The following BTBD16 variants were observed in gnomAD, a reference collection of about 807,000 sequenced individuals.
BTBD16 encodes BTB domain containing 16.
BTBD16 carries 66 observed loss-of-function variants against 67.4 expected under a neutral mutation model. The observed-to-expected ratio is 0.98, with a 90% CI of 0.80 to 1.20. BTBD16 has a LOEUF of 1.20. Among genes scored for constraint, BTBD16 ranks in the 50% most tolerant of loss-of-function variants. The pLI is 0.00. For missense variants in BTBD16, 634 were observed against 616.0 expected (o/e 1.03, Z -0.31); for synonymous variants, 242 against 236.4 (o/e 1.02, Z -0.22).
intron 10 of BTBD16, among the ~76,000 whole-genome samples, chr10:122,317,123 T>G (rs1429958885): frequency 6.6e-6 from 1 of 152,212 alleles, no homozygotes; most frequent in Non-Finnish European, 1.5e-5. Flanking sequence ...GTACTTAGGC[T>G]ACACTCAAAT....
At chr10:122,300,099 T>C (rs187083654) in intron 9 of BTBD16, among the ~76,000 whole-genome samples, 1 of 152,334 alleles carries the variant, frequency 6.6e-6, no homozygotes, top group East Asian at 1.9e-4. Context: ...TCTAATGTTT[T>C]ACCAATATAA....
intron 14 of BTBD16, among the ~76,000 whole-genome samples, chr10:122,335,797 G>T (rs1432587151): frequency 6.6e-6 from 1 of 152,122 alleles, no homozygotes; most frequent in East Asian, 1.9e-4. Context: ...CTTTTGAGAG[G>T]CCATATCTTA....
rs1439179038 is a variant in BTBD16 at position 122,291,178 on chromosome 10, A to G, written c.574A>G (p.Ser192Gly). ...VLASAHILQF[S>G]GLFQRCVDVM... ...GGCTTCCGCCCACATCCTCCAGTTC[A>G]GTGGCCTGTTTCAAAGGTAAGGAAA... is the stretch of plus-strand genomic sequence containing the variant. The change falls in exon 7 of 16, where the codon AGT becomes GGT. Residue 192 changes from serine (S) to glycine (G), a missense_variant. By Grantham distance (56) the Ser-to-Gly change is moderately conservative. Coordinates refer to ENST00000260723, the MANE Select transcript of BTBD16 (RefSeq NM_144587.5). 1 of 1,612,720 alleles carries G rather than the reference A, an allele frequency of 6.2e-7. No individual in the cohort carries two copies. Among genetic ancestry groups the G allele is most frequent in the Non-Finnish European group, 8.5e-7 (1 of 1,179,430 alleles).
chr10:122,283,913 G>A lies in BTBD16; in HGVS notation c.230G>A (p.Ser77Asn). ...FENFKNKDIQ[S>N]GEADVILECL... ...AATTTCAAGAACAAGGACATCCAAA[G>A]TGGGGAAGCAGGTGAGTTTGTGTTA... The change falls in exon 4 of 16, where the codon AGT (serine) becomes AAT (asparagine). Residue 77 changes from serine to asparagine, a missense_variant. By Grantham distance (46) the Ser-to-Asn change is conservative (BLOSUM62 1). Coordinates refer to ENST00000260723, the MANE Select transcript of BTBD16 (RefSeq NM_144587.5). 2.5e-6 allele frequency: 4 copies of A among 1,613,624 alleles called. No homozygotes were observed. Among genetic ancestry groups the A allele is most frequent in the Non-Finnish European group, 3.4e-6 (4 of 1,179,532 alleles).
At chr10:122,314,096 G>C (rs943096504) in intron 10 of BTBD16, among the ~76,000 whole-genome samples, 5 of 152,142 alleles carry the variant, frequency 3.3e-5, no homozygotes, top group African/African-American at 7.2e-5. Context: ...AAAAAGACAA[G>C]AGAAGAAAAT....
At chr10:122,335,638 G>A (rs1009252335) in intron 14 of BTBD16, among the ~76,000 whole-genome samples, 1 of 152,158 alleles carries the variant, frequency 6.6e-6, no homozygotes, top group Non-Finnish European at 1.5e-5. Context: ...ATCTGTGCAG[G>A]GTGGCTTGGA....
chr10:122,313,260 T>G (rs1447726560), intron 10 of BTBD16, among the ~76,000 whole-genome samples: 4 of 30,898 alleles, frequency 1.3e-4, no homozygotes, highest in African/African-American at 4.2e-4. Flanking sequence ...TAGTGCTGTT[T>G]TTTTTTTTTT....
At chr10:122,322,856 G>A (rs2142120372) in intron 10 of BTBD16, among the ~76,000 whole-genome samples, 1 of 152,270 alleles carries the variant, frequency 6.6e-6, no homozygotes, top group Middle Eastern at 3.4e-3. Flanking sequence ...TGATTCAGAT[G>A]CTCAGTCTCT....
rs1299039561 is a variant in BTBD16, at chr10:122,297,932, C to T, written c.660+95C>T. The T allele has an allele frequency of 5.7e-6, 6 of 1,056,996 alleles. No homozygotes were observed. In the Admixed American group the frequency reaches 8.1e-5, roughly 14 times the overall value. The allele number at this position is 1,056,996 out of a possible 1,614,324, so 65.5% of individuals were successfully genotyped here. A position where few individuals can be genotyped will look rare whatever the true frequency, so the allele number is the denominator to read the frequency against. ...TTTACCCACCAGGCCTACTTCCCCC[C>T]AGAATATCTATTTGAAGTCATCAAA... On this transcript the variant is annotated intron_variant, in intron 8 of 15. Transcript: ENST00000260723.
chr10:122,338,024 A>G lies in BTBD16; in HGVS notation c.1460A>G (p.Lys487Arg). 6.2e-7 allele frequency: 1 copy of G among 1,611,920 alleles called. No individual in the cohort carries two copies. Among genetic ancestry groups the G allele is most frequent in the Non-Finnish European group, 8.5e-7 (1 of 1,178,148 alleles). The change falls in exon 16 of 16, where the codon AAA becomes AGA. Residue 487 changes from lysine to arginine, a missense_variant. Lys to Arg is a conservative substitution (Grantham distance 26). Transcript: ENST00000260723. ...TTTTTTTTCATGTTTTAGACCTTGA[A>G]AATCCAAACTGTGGGCATCCCAATC... ...TTSSCKSHTL[K>R]IQTVGIPIYV...
chr10:122,298,974 C>A, intron 8 of BTBD16, 30 bp from the exon 9 acceptor site: 1 of 1,611,166 alleles, frequency 6.2e-7, no homozygotes, highest in African/African-American at 1.3e-5. Context: ...CTCAGGACTT[C>A]CTTCATCAAC....
intron 7 of BTBD16, among the ~76,000 whole-genome samples, chr10:122,293,906 C>T (rs549063549): frequency 6.6e-6 from 1 of 152,300 alleles, no homozygotes; most frequent in South Asian, 2.1e-4. Flanking sequence ...CGCATTTAAC[C>T]TTCAGAACTC....
intron 1 of BTBD16, among the ~76,000 whole-genome samples, chr10:122,272,124 A>G (rs571581702): frequency 3.9e-5 from 6 of 152,316 alleles, no homozygotes; most frequent in African/African-American, 1.4e-4. Context: ...AAAAGCATGT[A>G]TGTGTTACCT....
At chr10:122,337,100 T>A (rs1365951061) in intron 15 of BTBD16, among the ~76,000 whole-genome samples, 1 of 152,238 alleles carries the variant, frequency 6.6e-6, no homozygotes, top group Non-Finnish European at 1.5e-5. Flanking sequence ...TGGGCCCATC[T>A]ACCTCAGTAG....
At chr10:122,280,023 C>T (rs1231409572) in intron 3 of BTBD16, among the ~76,000 whole-genome samples, 1 of 152,172 alleles carries the variant, frequency 6.6e-6, no homozygotes, top group Non-Finnish European at 1.5e-5. Context: ...TGGTCAGCCA[C>T]TCAGAGGTGC....
intron 4 of BTBD16, 157 bp from the exon 5 acceptor site, chr10:122,285,948 C>G: frequency 3.8e-6 from 1 of 262,278 alleles, no homozygotes; most frequent in Non-Finnish European, 5.9e-6. Flanking sequence ...GAGGCCCACA[C>G]TTCACTGCTT....
At chr10:122,309,119 T>C (rs1022782) in intron 10 of BTBD16, among the ~76,000 whole-genome samples, 15,502 of 152,130 alleles carry the variant, frequency 0.1, 1,325 homozygotes, top group East Asian at 0.24. Flanking sequence ...TGTGAGTCTC[T>C]GTCAGACTTT....
Position 122,298,940 on chromosome 10 carries a change from C to T in BTBD16, c.661-64C>T. The T allele has an allele frequency of 6.3e-6, 10 of 1,593,020 alleles. 1 individual carries two copies. The South Asian group carries it at 1.1e-4, about 18-fold the overall frequency. On this transcript the variant is annotated intron_variant, in intron 8 of 15. Coordinates refer to ENST00000260723, the MANE Select transcript of BTBD16 (RefSeq NM_144587.5). ...TCTGAGCACACGTGTAGTGTCGTCTCAGGCCAGCAGAGGGTGCCAAGAGCT... is the reference window on the plus strand; with the variant it reads ...TCTGAGCACACGTGTAGTGTCGTCTTAGGCCAGCAGAGGGTGCCAAGAGCT...
At chr10:122,307,761 G>A (rs568293858) in intron 10 of BTBD16, among the ~76,000 whole-genome samples, 19 of 152,278 alleles carry the variant, frequency 1.2e-4, no homozygotes, top group African/African-American at 4.3e-4. Context: ...CAAGCATGAC[G>A]AGGCGAGTTT....
Sources: gnomAD v4.1 joint callset for allele counts (sites outside exome capture counted in the v4.1 genomes callset) on GRCh38, gnomAD v4.1.1 for gene constraint, MANE v1.5 for transcripts, NCBI Gene and HGNC (gene_info 2026-07-23, HGNC 2026-07-21) for gene names.